The following PDGFD variants were observed in gnomAD, a reference collection of about 807,000 sequenced individuals.
PDGFD encodes the protein platelet-derived growth factor D.
A neutral mutation model predicts 44.7 loss-of-function variants in PDGFD; 30 were observed. The observed-to-expected ratio is 0.67, with a 90% CI of 0.50 to 0.91. The LOEUF (loss-of-function observed/expected upper bound fraction) is 0.91, where lower values mean the gene tolerates loss of function less well. Among genes scored for constraint, PDGFD ranks in the 40% least tolerant of loss-of-function variants. The pLI, the probability that PDGFD is intolerant of heterozygous loss-of-function variation, is 0.00. For missense variants in PDGFD, 445 were observed against 457.8 expected, an observed-to-expected ratio of 0.97 and a Z score of 0.25; for synonymous variants, 173 against 168.4, an observed-to-expected ratio of 1.03 and a Z score of -0.21.
intron 1 of PDGFD, among the ~76,000 whole-genome samples, chr11:104,162,715 T>C (rs929807391): frequency 6.6e-6 from 1 of 152,090 alleles, no homozygotes. Context: ...ATTAAGGACA[T>C]ACCAAGAAAG....
intron 1 of PDGFD, among the ~76,000 whole-genome samples, chr11:104,156,175 G>T (rs570665741): frequency 6.6e-6 from 1 of 152,000 alleles, no homozygotes; most frequent in East Asian, 1.9e-4. Context: ...ATTTTTATTT[G>T]TCAATTAAAA....
chr11:104,135,430 T>C (rs151299104), intron 1 of PDGFD, among the ~76,000 whole-genome samples: 5 of 152,184 alleles, frequency 3.3e-5, no homozygotes, highest in Admixed American at 6.5e-5. Context: ...TGGTGCAATA[T>C]GTATGAAATT....
intron 3 of PDGFD, among the ~76,000 whole-genome samples, chr11:103,995,565 T>C (rs934386446): frequency 1.3e-5 from 2 of 152,190 alleles, no homozygotes; most frequent in African/African-American, 4.8e-5. Flanking sequence ...ATTTTGCAGA[T>C]GCTTATGAGC....
chr11:104,107,036 C>T (rs954758081), intron 1 of PDGFD, among the ~76,000 whole-genome samples: 5 of 152,124 alleles, frequency 3.3e-5, no homozygotes, highest in South Asian at 2.1e-4. Flanking sequence ...TGAGCTACCA[C>T]GCCCGGCCAA....
intron 3 of PDGFD, among the ~76,000 whole-genome samples, chr11:103,978,205 A>G (rs1035349332): frequency 4.6e-5 from 7 of 152,108 alleles, no homozygotes; most frequent in African/African-American, 1.7e-4. Context: ...TAATAGGAAC[A>G]ATGATATCTT....
chr11:104,076,529 C>A (rs1183772756), intron 1 of PDGFD, among the ~76,000 whole-genome samples: 1 of 152,000 alleles, frequency 6.6e-6, no homozygotes, highest in African/African-American at 2.4e-5. Context: ...CTTTTAAAAA[C>A]AATATAAACT....
At chr11:104,149,503 G>A (rs953784713) in intron 1 of PDGFD, among the ~76,000 whole-genome samples, 1 of 152,150 alleles carries the variant, frequency 6.6e-6, no homozygotes, top group African/African-American at 2.4e-5. Context: ...AGTAGTGGTA[G>A]GTTAAGTCAA....
intron 3 of PDGFD, among the ~76,000 whole-genome samples, chr11:103,953,572 C>A (rs1161092192): frequency 6.6e-6 from 1 of 152,062 alleles, no homozygotes; most frequent in Non-Finnish European, 1.5e-5. Context: ...AAAAAATGGA[C>A]TGGATGTGTG....
At chr11:104,153,214 T>A (rs189317812) in intron 1 of PDGFD, among the ~76,000 whole-genome samples, 6 of 151,828 alleles carry the variant, frequency 4.0e-5, no homozygotes, top group Admixed American at 6.6e-5. Flanking sequence ...ATTTAAACAC[T>A]CTCTCTCTCT....
intron 1 of PDGFD, among the ~76,000 whole-genome samples, chr11:104,118,783 AT>A (rs1565340112): frequency 6.2e-5 from 7 of 112,542 alleles, no homozygotes; most frequent in African/African-American, 2.1e-4. Context: ...TATATAATAT[AT>A]TATATATTAT....
intron 1 of PDGFD, among the ~76,000 whole-genome samples, chr11:104,021,039 G>A (rs1273792642): frequency 6.6e-6 from 1 of 152,092 alleles, no homozygotes; most frequent in Non-Finnish European, 1.5e-5. Context: ...AACAATTTCA[G>A]CAAACTGAGT....
intron 3 of PDGFD, among the ~76,000 whole-genome samples, chr11:103,979,194 A>G (rs996520944): frequency 9.2e-5 from 14 of 151,982 alleles, no homozygotes; most frequent in Admixed American, 3.3e-4. Context: ...TCTTTGGCCA[A>G]ATTTCTTTCT....
chr11:103,931,890 T>A (rs960483917), intron 5 of PDGFD, among the ~76,000 whole-genome samples: 1 of 152,206 alleles, frequency 6.6e-6, no homozygotes, highest in Non-Finnish European at 1.5e-5. Context: ...GCCTACATAC[T>A]AGTGCATATT....
chr11:104,094,559 T>G (rs1861255863), intron 1 of PDGFD, among the ~76,000 whole-genome samples: 2 of 152,120 alleles, frequency 1.3e-5, no homozygotes, highest in African/African-American at 4.8e-5. Context: ...AGTATTATTA[T>G]CTACCCAGCT....
At chr11:103,992,137 AG>A (rs889928083) in intron 3 of PDGFD, among the ~76,000 whole-genome samples, 4 of 152,186 alleles carry the variant, frequency 2.6e-5, no homozygotes, top group Admixed American at 1.3e-4. Context: ...TGCTTTCTGA[AG>A]GTATCTGTTA....
In PDGFD at chr11:104,043,539, C is replaced by T. The variant is rs41350645; in HGVS notation, c.125-43284G>A. ...CTATTAGGGGCTTAATCCTGGAGTA[C>T]AGTTTGACAATTGTACTAGTTCATA... On this transcript the variant is annotated intron_variant, in intron 1 of 6. Coordinates refer to ENST00000393158, the MANE Select transcript of PDGFD (RefSeq NM_025208.5). Among the ~76,000 whole-genome samples the T allele has an allele frequency of 7.9e-3, 1,196 of 152,234 alleles. 15 individuals carry two copies. The highest frequency in any genetic ancestry group is 0.027 in the African/African-American group (1,127 of 41,518).
At chr11:103,909,967 G>A (rs4754998) in intron 6 of PDGFD, 148 bp from the exon 7 acceptor site, 383,313 of 858,030 alleles carry the variant, frequency 0.45, 88,690 homozygotes, top group African/African-American at 0.48. Context: ...TGCACACGTT[G>A]CTATTAGAAT....
rs536307384 is a variant in PDGFD, at chr11:104,100,842, G to A, written c.124+62962C>T. Among the ~76,000 whole-genome samples, 241 of 152,092 alleles carry A rather than the reference G, an allele frequency of 1.6e-3. 1 individual carries two copies. The highest frequency in any genetic ancestry group is 5.5e-3 in the African/African-American group (228 of 41,494). ...TACCCAGCATATAAACACAACCAAC[G>A]ACAAAAACCACATGATTATCTCAAT... On this transcript the variant is annotated intron_variant, in intron 1 of 6. Transcript: ENST00000393158.
At chr11:104,080,304 C>T (rs1455920394) in intron 1 of PDGFD, among the ~76,000 whole-genome samples, 2 of 152,084 alleles carry the variant, frequency 1.3e-5, no homozygotes, top group African/African-American at 4.8e-5. Context: ...TGATTATCAA[C>T]AGTAAATAAA....
Sources: allele counts gnomAD v4.1 joint callset (sites outside exome capture counted in the v4.1 genomes callset), GRCh38; gene constraint gnomAD v4.1.1; transcripts MANE v1.5; gene names NCBI Gene and HGNC (gene_info 2026-07-23, HGNC 2026-07-21).